Variants in KCNK12 observed in about 807,000 individuals in gnomAD.
KCNK12 encodes the protein potassium channel subfamily K member 12.
A neutral mutation model predicts 25.3 loss-of-function variants in KCNK12; 6 were observed. That is an observed-to-expected ratio of 0.24 (90% confidence interval 0.13 to 0.47). KCNK12 has a LOEUF of 0.47. KCNK12 is among the 20% of genes least tolerant of loss of function. The probability of loss-of-function intolerance (pLI) is 0.99; values close to 1 mark genes in which losing one functional copy is unlikely to be tolerated. For synonymous variants in KCNK12, 331 were observed against 311.1 expected (o/e 1.06, Z -0.67); for missense variants, 444 against 661.7 (o/e 0.67, Z 3.61).
Position 47,517,661 on chromosome 2 carries a change from G to A in KCNK12, c.*3246C>T, listed in dbSNP as rs907385210. ...GTCTGGCATTTTCCACAAAATGAGAGCCTGAGATTGCCTAAGCCTTCTGAT... is the reference window on the plus strand; with the variant it reads ...GTCTGGCATTTTCCACAAAATGAGAACCTGAGATTGCCTAAGCCTTCTGAT... On this transcript the variant is annotated 3_prime_UTR_variant, in exon 2 of 2. Coordinates refer to ENST00000327876, the MANE Select transcript of KCNK12 (RefSeq NM_022055.2). The surrounding 1 kb of genome is among the most constrained non-coding windows in gnomAD (Gnocchi z 4.1). The A allele has an allele frequency of 6.6e-6, 1 of 152,168 alleles. No homozygotes were observed. The highest frequency in any genetic ancestry group is 1.5e-5 in the Non-Finnish European group (1 of 68,058). 9.4% of individuals were successfully genotyped at this position (152,168 alleles called of 1,614,324 possible). A position where few individuals can be genotyped will look rare whatever the true frequency, so the allele number is the denominator to read the frequency against.
chr2:47,530,523 G>A lies in KCNK12; in HGVS notation c.392-8715C>T, dbSNP rs796932435. 1.8e-4 allele frequency among the ~76,000 whole-genome samples: 27 copies of A among 152,190 alleles called. 1 individual carries two copies. The highest frequency in any genetic ancestry group is 6.5e-4 in the African/African-American group (27 of 41,512). Reference sequence around the variant, plus strand: ...CTACTGAGGACTGAAAATGCGGAGGGTATAATAACTGCTGTTGTGTATCGA... The same window carrying A: ...CTACTGAGGACTGAAAATGCGGAGGATATAATAACTGCTGTTGTGTATCGA... On this transcript the variant is annotated intron_variant, in intron 1 of 1. Coordinates refer to ENST00000327876, the MANE Select transcript of KCNK12 (RefSeq NM_022055.2).
intron 1 of KCNK12, among the ~76,000 whole-genome samples, chr2:47,530,851 C>A (rs755126152): frequency 9.9e-5 from 15 of 152,102 alleles, no homozygotes; most frequent in African/African-American, 3.6e-4. Flanking sequence ...AACTGAGTTG[C>A]ATTTAACAGA....
intron 1 of KCNK12, chr2:47,535,168 T>G (rs935659181): frequency 4.3e-6 from 1 of 232,042 alleles, no homozygotes; most frequent in African/African-American, 2.2e-5. Context: ...GGTTGGCTGC[T>G]TCAAAGGAGG....
rs886471032 is a variant in KCNK12 at position 47,548,989 on chromosome 2, C to T, written c.391+20952G>A. ...AGGACTCCAGAAATCTACTAGGGGT[C>T]CCTCTTTGTTACTCGCAAAGGTCTG... On this transcript the variant is annotated intron_variant, in intron 1 of 1. Transcript: ENST00000327876. This position sits in a 1 kb window ranked among gnomAD's most constrained non-coding sequence, Gnocchi z 4.4. 3.9e-5 allele frequency among the ~76,000 whole-genome samples: 6 copies of T among 152,164 alleles called. No homozygotes were observed. Among genetic ancestry groups the T allele is most frequent in the African/African-American group, 1.4e-4 (6 of 41,446 alleles).
At chr2:47,550,378 C>CAT (rs1553380969) in intron 1 of KCNK12, among the ~76,000 whole-genome samples, 5 of 103,182 alleles carry the variant, frequency 4.8e-5, no homozygotes, top group Non-Finnish European at 7.4e-5. Context: ...TATTCACAGA[C>CAT]TTTTTTTTTT....
At position 47,528,322 on chromosome 2, in the gene KCNK12, GAGAC is replaced by G. The variant is rs1267732869; in HGVS notation, c.392-6518_392-6515del. On this transcript the variant is annotated intron_variant, in intron 1 of 1. Transcript: ENST00000327876. This position sits in a 1 kb window ranked among gnomAD's most constrained non-coding sequence, Gnocchi z 4.5. ...ACAGAGCACACTCAGCTCATCCTGG[GAGAC>G]AAGGTGGGGGTGGAGGATGGTCCAT... 6.6e-6 allele frequency: 1 copy of G among 152,480 alleles called. No individual in the cohort carries two copies. The highest frequency in any genetic ancestry group is 1.9e-4 in the East Asian group (1 of 5,204). 9.4% of individuals were successfully genotyped at this position (152,480 alleles called of 1,614,324 possible).
intron 1 of KCNK12, among the ~76,000 whole-genome samples, chr2:47,549,383 G>T (rs558084923): frequency 6.6e-6 from 1 of 151,932 alleles, no homozygotes; most frequent in Non-Finnish European, 1.5e-5. Context: ...AAACAATCAA[G>T]CATCAACAAT....
chr2:47,543,392 G>A (rs1325872691), intron 1 of KCNK12: 1 of 152,050 alleles, frequency 6.6e-6, no homozygotes, highest in Non-Finnish European at 1.5e-5. Flanking sequence ...ACCTAGTGAG[G>A]TAAGCATTAT....
rs900213793 is a variant in KCNK12, at chr2:47,570,504, C to G, written c.-173G>C. 13 of 574,458 alleles carry G rather than the reference C, an allele frequency of 2.3e-5. No individual in the cohort carries two copies. In the African/African-American group the frequency reaches 2.6e-4, roughly 11 times the overall value. 35.6% of individuals were successfully genotyped at this position (574,458 alleles called of 1,614,324 possible). Reference sequence around the variant, plus strand: ...TTCCCAGAGCCCGGACAGAGGGGCGCCTCCGCCTCCTCCCCGGCGCTCAGG... The same window carrying G: ...TTCCCAGAGCCCGGACAGAGGGGCGGCTCCGCCTCCTCCCCGGCGCTCAGG... On this transcript the variant is annotated 5_prime_UTR_variant, in exon 1 of 2. Coordinates refer to ENST00000327876, the MANE Select transcript of KCNK12 (RefSeq NM_022055.2).
At position 47,515,289 on chromosome 2, in the gene KCNK12, T is replaced by C. The variant is rs746985735; in HGVS notation, c.*5618A>G. ...TTCTCAGATTGCTGGGTGTAATTCA[T>C]AGGCAGATCATGAAATCAGTTTAAT... On this transcript the variant is annotated 3_prime_UTR_variant, in exon 2 of 2. Coordinates refer to ENST00000327876, the MANE Select transcript of KCNK12 (RefSeq NM_022055.2). Among the ~76,000 whole-genome samples the C allele has an allele frequency of 6.6e-6, 1 of 152,210 alleles. No individual in the cohort carries two copies. Among genetic ancestry groups the C allele is most frequent in the Non-Finnish European group, 1.5e-5 (1 of 68,038 alleles).
At chr2:47,552,915 G>T (rs1035795380) in intron 1 of KCNK12, among the ~76,000 whole-genome samples, 1 of 152,228 alleles carries the variant, frequency 6.6e-6, no homozygotes, top group East Asian at 1.9e-4. Context: ...GTTGAGTCTT[G>T]TTGAGTGCCG....
Position 47,570,218 on chromosome 2 carries a change from G to T in KCNK12, c.114C>A (p.Arg38=). ...CGATGAGCGCCGCCAGCAGCACGAA[G>T]CGGCCGGTGTCCTCGTTGAGGTGCG... The part of the protein sequence containing the change: ...RRSHLNEDTG[R]FVLLAALIGL... The change falls in exon 1 of 2, where the codon CGC becomes CGA. Residue 38 remains arginine (R), a synonymous_variant. Transcript: ENST00000327876. 1 of 1,490,790 alleles carries T rather than the reference G, an allele frequency of 6.7e-7. No individual in the cohort carries two copies. Among genetic ancestry groups the T allele is most frequent in the East Asian group, 2.8e-5 (1 of 35,200 alleles). 92.3% of individuals were successfully genotyped at this position (1,490,790 alleles called of 1,614,324 possible).
rs936235576 is a variant in KCNK12, at chr2:47,516,538, G to T, written c.*4369C>A. 3.3e-5 allele frequency: 5 copies of T among 152,266 alleles called. No individual in the cohort carries two copies. The highest frequency in any genetic ancestry group is 6.5e-5 in the Admixed American group (1 of 15,280). 9.4% of individuals were successfully genotyped at this position (152,266 alleles called of 1,614,324 possible). On this transcript the variant is annotated 3_prime_UTR_variant, in exon 2 of 2. Coordinates refer to ENST00000327876, the MANE Select transcript of KCNK12 (RefSeq NM_022055.2). ...GAGGTGTGAACTGGAAGATGGGGAG[G>T]CAGGCGGCTCTGACAGACAGAAAGC...
At chr2:47,552,791 A>G (rs919444540) in intron 1 of KCNK12, among the ~76,000 whole-genome samples, 2 of 152,076 alleles carry the variant, frequency 1.3e-5, no homozygotes, top group Non-Finnish European at 2.9e-5. Context: ...AAAAAAGGAA[A>G]GAAATCCCCA....
chr2:47,522,030 A>G (rs1668668636), intron 1 of KCNK12, among the ~76,000 whole-genome samples: 1 of 152,194 alleles, frequency 6.6e-6, no homozygotes, highest in South Asian at 2.1e-4. Flanking sequence ...TGGAGGAGAC[A>G]TGGCCCTTCA....
At position 47,566,464 on chromosome 2, in the gene KCNK12, AAG is replaced by A. The variant is rs1669789684; in HGVS notation, c.391+3475_391+3476del. 6.6e-6 allele frequency: 1 copy of A among 151,912 alleles called. No homozygotes were observed. Among genetic ancestry groups the A allele is most frequent in the African/African-American group, 2.4e-5 (1 of 41,358 alleles). 9.4% of individuals were successfully genotyped at this position (151,912 alleles called of 1,614,324 possible). A position where few individuals can be genotyped will look rare whatever the true frequency, so the allele number is the denominator to read the frequency against. ...CACACATACACACACTGGTGCAAAA[AAG>A]GGCAGAAAGCAAGTGACTTCTGTCC... On this transcript the variant is annotated intron_variant, in intron 1 of 1. Transcript: ENST00000327876. This position sits in a 1 kb window ranked among gnomAD's most constrained non-coding sequence, Gnocchi z 4.1.
Position 47,538,824 on chromosome 2 carries a change from T to C in KCNK12, c.392-17016A>G, listed in dbSNP as rs564692745. On this transcript the variant is annotated intron_variant, in intron 1 of 1. Transcript: ENST00000327876. This position sits in a 1 kb window ranked among gnomAD's most constrained non-coding sequence, Gnocchi z 4.5. ...CACTTTCAGGGCAAAGTTTAGGTGA[T>C]ATAAATGTCCCTGAAATGAGAAAAA... 6.6e-6 allele frequency among the ~76,000 whole-genome samples: 1 copy of C among 152,346 alleles called. No individual in the cohort carries two copies. Among genetic ancestry groups the C allele is most frequent in the South Asian group, 2.1e-4 (1 of 4,832 alleles).
rs1198074883 is a variant in KCNK12, at chr2:47,547,962, T to A, written c.391+21979A>T. Among the ~76,000 whole-genome samples the A allele has an allele frequency of 6.6e-6, 1 of 152,236 alleles. No homozygotes were observed. The highest frequency in any genetic ancestry group is 1.9e-4 in the East Asian group (1 of 5,180). On this transcript the variant is annotated intron_variant, in intron 1 of 1. Coordinates refer to ENST00000327876, the MANE Select transcript of KCNK12 (RefSeq NM_022055.2). The surrounding 1 kb of genome is among the most constrained non-coding windows in gnomAD (Gnocchi z 5.0). ...GGCGTGGTGGGAAGTGATTGGAACA[T>A]GGGGGTGGATTTCCCCCTTGCCGTT...
rs1233573286 is a variant in KCNK12 at position 47,566,006 on chromosome 2, G to C, written c.391+3935C>G. ...CAACCCCCAGGGAATATGTCACATA[G>C]CATAAATGGGAGAAATAATAATTAC... is the stretch of plus-strand genomic sequence containing the variant. On this transcript the variant is annotated intron_variant, in intron 1 of 1. Coordinates refer to ENST00000327876, the MANE Select transcript of KCNK12 (RefSeq NM_022055.2). The surrounding 1 kb of genome is among the most constrained non-coding windows in gnomAD (Gnocchi z 4.1). 2 of 152,196 alleles carry C rather than the reference G, an allele frequency of 1.3e-5. No homozygotes were observed. Among genetic ancestry groups the C allele is most frequent in the East Asian group, 3.8e-4 (2 of 5,204 alleles). The allele number at this position is 152,196 out of a possible 1,614,324, so 9.4% of individuals were successfully genotyped here. A position where few individuals can be genotyped will look rare whatever the true frequency, so the allele number is the denominator to read the frequency against.
Sources: allele counts gnomAD v4.1 joint callset (sites outside exome capture counted in the v4.1 genomes callset), GRCh38; gene constraint gnomAD v4.1.1; non-coding constraint Gnocchi (gnomAD v3.1); transcripts MANE v1.5; gene names NCBI Gene and HGNC (gene_info 2026-07-23, HGNC 2026-07-21).